The following NDFIP2 variants were observed in gnomAD, a reference collection of about 807,000 sequenced individuals.
NDFIP2 encodes NEDD4 family-interacting protein 2.
Under a neutral mutation model 36.0 loss-of-function variants are expected in NDFIP2, and 19 were observed. The observed-to-expected ratio is 0.53, with a 90% CI of 0.37 to 0.77. NDFIP2 has a LOEUF of 0.77. NDFIP2 is among the 30% of genes least tolerant of loss of function. The pLI is 0.00. For synonymous variants in NDFIP2, 181 were observed against 167.7 expected, an observed-to-expected ratio of 1.08 and a Z score of -0.61; for missense variants, 446 against 435.8, an observed-to-expected ratio of 1.02 and a Z score of -0.21.
At chr13:79,501,195 AT>A (rs1873652630) in intron 1 of NDFIP2, among the ~76,000 whole-genome samples, 1 of 152,026 alleles carries the variant, frequency 6.6e-6, no homozygotes. Context: ...AGCACAGAGG[AT>A]TTTTAGGACA....
At chr13:79,523,647 G>T (rs1279777758) in intron 2 of NDFIP2, among the ~76,000 whole-genome samples, 2 of 152,194 alleles carry the variant, frequency 1.3e-5, no homozygotes, top group Non-Finnish European at 2.9e-5. Flanking sequence ...TAAAAGTTAT[G>T]TGAATGTAGT....
intron 6 of NDFIP2, among the ~76,000 whole-genome samples, chr13:79,550,110 G>A (rs1308108323): frequency 1.3e-5 from 2 of 151,488 alleles, no homozygotes; most frequent in East Asian, 1.9e-4. Flanking sequence ...TTTTGTTTTT[G>A]GATCCCCCCC....
At chr13:79,551,455 A>G (rs1484054582) in intron 7 of NDFIP2, among the ~76,000 whole-genome samples, 1 of 151,520 alleles carries the variant, frequency 6.6e-6, no homozygotes. Flanking sequence ...GAAGGCTTGA[A>G]AAAACAAAAT....
chr13:79,514,518 A>G (rs1031052928), intron 1 of NDFIP2, among the ~76,000 whole-genome samples: 1 of 152,228 alleles, frequency 6.6e-6, no homozygotes. Flanking sequence ...ACAGGGTTAA[A>G]GTTAAGATTA....
chr13:79,524,792 C>T (rs554021144), intron 2 of NDFIP2, among the ~76,000 whole-genome samples: 1 of 152,298 alleles, frequency 6.6e-6, no homozygotes, highest in East Asian at 1.9e-4. Flanking sequence ...TTTGAGGGCA[C>T]ATGGATTCTT....
At chr13:79,484,386 ACTT>A (rs1257424299) in intron 1 of NDFIP2, among the ~76,000 whole-genome samples, 1 of 152,160 alleles carries the variant, frequency 6.6e-6, no homozygotes, top group African/African-American at 2.4e-5. Flanking sequence ...TACCAAGCTG[ACTT>A]CTTATTCTGT....
At chr13:79,534,506 G>C (rs951888775) in intron 3 of NDFIP2, among the ~76,000 whole-genome samples, 5 of 152,102 alleles carry the variant, frequency 3.3e-5, no homozygotes, top group African/African-American at 1.2e-4. Flanking sequence ...GGCTGTCTCA[G>C]TAATGGAGAG....
chr13:79,499,322 C>A (rs1873566387), intron 1 of NDFIP2, among the ~76,000 whole-genome samples: 1 of 151,908 alleles, frequency 6.6e-6, no homozygotes, highest in African/African-American at 2.4e-5. Context: ...GAACAAGAAC[C>A]AGGCAAGGAT....
chr13:79,516,694 G>T (rs996475975), intron 1 of NDFIP2, among the ~76,000 whole-genome samples: 1 of 151,766 alleles, frequency 6.6e-6, no homozygotes, highest in Non-Finnish European at 1.5e-5. Context: ...CTTCCTGTAG[G>T]TCTAACCTAC....
At chr13:79,540,834 A>G (rs1045037783) in intron 4 of NDFIP2, among the ~76,000 whole-genome samples, 1 of 152,184 alleles carries the variant, frequency 6.6e-6, no homozygotes, top group Non-Finnish European at 1.5e-5. Flanking sequence ...ACTAATTGTA[A>G]TGTTCACGTT....
At chr13:79,497,129 A>G (rs980095216) in intron 1 of NDFIP2, among the ~76,000 whole-genome samples, 1 of 151,926 alleles carries the variant, frequency 6.6e-6, no homozygotes, top group African/African-American at 2.4e-5. Context: ...CCTTTGGAGA[A>G]TGTTGGTTGT....
chr13:79,552,455 A>T (rs1403505901), intron 7 of NDFIP2, 61 bp from the exon 8 acceptor site: 2 of 151,878 alleles, frequency 1.3e-5, no homozygotes, highest in Non-Finnish European at 1.5e-5. Flanking sequence ...GTTGTATTAT[A>T]CTATGATTTA....
At chr13:79,509,826 G>T (rs932758130) in intron 1 of NDFIP2, among the ~76,000 whole-genome samples, 2 of 152,174 alleles carry the variant, frequency 1.3e-5, no homozygotes. Context: ...ATGTTTGAGG[G>T]CAGGAAGCAT....
intron 1 of NDFIP2, among the ~76,000 whole-genome samples, chr13:79,499,557 A>G (rs771332740): frequency 6.6e-6 from 1 of 152,034 alleles, no homozygotes; most frequent in Non-Finnish European, 1.5e-5. Context: ...AATGGTTAAT[A>G]TACAAAAGAC....
At chr13:79,536,515 A>G (rs1875244500) in intron 3 of NDFIP2, among the ~76,000 whole-genome samples, 1 of 152,214 alleles carries the variant, frequency 6.6e-6, no homozygotes, top group African/African-American at 2.4e-5. Flanking sequence ...TGATGTCTTT[A>G]CCAATTTCAG....
At position 79,499,629 on chromosome 13, in the gene NDFIP2, G is replaced by A. The variant is rs554244948; in HGVS notation, c.321+18105G>A. On this transcript the variant is annotated intron_variant, in intron 1 of 7. Coordinates refer to ENST00000218652, the MANE Select transcript of NDFIP2 (RefSeq NM_019080.3). ...TGAAATTAAAAACATAATACTGTTA[G>A]CATCCCCCCAAAAGAAATACTTAAG... Among the ~76,000 whole-genome samples, 4 of 151,896 alleles carry A rather than the reference G, an allele frequency of 2.6e-5. No individual in the cohort carries two copies. The South Asian group carries it at 8.3e-4, about 32-fold the overall frequency.
chr13:79,512,451 GAA>G (rs929259200), intron 1 of NDFIP2, among the ~76,000 whole-genome samples: 1 of 143,186 alleles, frequency 7.0e-6, no homozygotes, highest in Non-Finnish European at 1.5e-5. Context: ...GGCTTTTGAG[GAA>G]AAAAAAAAAG....
intron 2 of NDFIP2, 115 bp from the exon 3 acceptor site, chr13:79,533,208 C>A: frequency 5.2e-6 from 4 of 762,880 alleles, no homozygotes; most frequent in Non-Finnish European, 6.0e-6. Flanking sequence ...TAACATAGGC[C>A]TATAATAGCA....
intron 1 of NDFIP2, among the ~76,000 whole-genome samples, chr13:79,500,508 G>T (rs1435384665): frequency 6.6e-6 from 1 of 151,672 alleles, no homozygotes; most frequent in Non-Finnish European, 1.5e-5. Flanking sequence ...TATTAAACAG[G>T]ACAAAAACCT....
Sources: allele counts gnomAD v4.1 joint callset (sites outside exome capture counted in the v4.1 genomes callset), GRCh38; gene constraint gnomAD v4.1.1; transcripts MANE v1.5; gene names NCBI Gene and HGNC (gene_info 2026-07-23, HGNC 2026-07-21).